GAB1: variants seen among roughly 807,000 people sequenced by gnomAD.
The protein encoded by GAB1 is GRB2-associated-binding protein 1.
GAB1 carries 19 observed loss-of-function variants against 66.5 expected under a neutral mutation model. The observed-to-expected ratio is 0.29, with a 90% CI of 0.20 to 0.42. The LOEUF is 0.42. Among genes scored for constraint, GAB1 ranks in the 10% least tolerant of loss-of-function variants. The pLI, the probability that GAB1 is intolerant of heterozygous loss-of-function variation, is 1.00. For missense variants in GAB1, 732 were observed against 858.5 expected (o/e 0.85, Z 1.84); for synonymous variants, 294 against 301.4 (o/e 0.98, Z 0.25).
intron 2 of GAB1, chr4:143,425,227 T>TG (rs1161269198): frequency 1.1e-6 from 1 of 917,976 alleles, no homozygotes; most frequent in East Asian, 2.4e-5. Context: ...AAGCTTCTGC[T>TG]GGCAGCTCAT....
intron 1 of GAB1, among the ~76,000 whole-genome samples, chr4:143,379,904 G>A (rs1035361527): frequency 4.6e-5 from 7 of 151,346 alleles, no homozygotes; most frequent in Non-Finnish European, 1.0e-4. Flanking sequence ...TATTAAGTAA[G>A]GTAATTTGTA....
intron 6 of GAB1, among the ~76,000 whole-genome samples, chr4:143,455,698 T>A (rs1016585182): frequency 6.6e-6 from 1 of 152,160 alleles, no homozygotes; most frequent in Non-Finnish European, 1.5e-5. Context: ...AAATTCAGAG[T>A]AGTATCAACT....
intron 1 of GAB1, among the ~76,000 whole-genome samples, chr4:143,398,356 C>T (rs923076242): frequency 2.0e-5 from 3 of 152,158 alleles, no homozygotes; most frequent in Non-Finnish European, 2.9e-5. Context: ...GATTTTTACA[C>T]AGTTTTTAGA....
intron 7 of GAB1, 143 bp from the exon 8 acceptor site, chr4:143,460,221 C>A: frequency 3.0e-6 from 2 of 657,542 alleles, no homozygotes; most frequent in South Asian, 2.4e-5. Context: ...AAAATTACAT[C>A]ATTATAAATG....
intron 1 of GAB1, among the ~76,000 whole-genome samples, chr4:143,408,160 A>G (rs563836720): frequency 2.6e-5 from 4 of 152,310 alleles, no homozygotes; most frequent in East Asian, 3.9e-4. Flanking sequence ...CCGGAATTCT[A>G]TATTTAAAAG....
chr4:143,399,882 T>C (rs1312616435), intron 1 of GAB1, among the ~76,000 whole-genome samples: 1 of 151,928 alleles, frequency 6.6e-6, no homozygotes, highest in Non-Finnish European at 1.5e-5. Flanking sequence ...ATGATCCCTA[T>C]AGGGTTTATC....
intron 1 of GAB1, chr4:143,391,484 T>C (rs563831916): frequency 4.3e-4 from 65 of 152,306 alleles, no homozygotes; most frequent in African/African-American, 1.4e-3. Flanking sequence ...TACAGTTAGA[T>C]AAATTTAACC....
At chr4:143,399,462 G>A (rs1385335625) in intron 1 of GAB1, among the ~76,000 whole-genome samples, 1 of 152,194 alleles carries the variant, frequency 6.6e-6, no homozygotes, top group Non-Finnish European at 1.5e-5. Context: ...TTTGTGCTTT[G>A]TGTTTTATAT....
In GAB1 at chr4:143,415,544, A is replaced by G; in HGVS notation, c.140A>G (p.Tyr47Cys). 1 of 1,613,672 alleles carries G rather than the reference A, an allele frequency of 6.2e-7. No individual in the cohort carries two copies. Among genetic ancestry groups the G allele is most frequent in the Non-Finnish European group, 8.5e-7 (1 of 1,179,606 alleles). ...RLTGDPDVLE[Y>C]YKNDHAKKPI... ...ACTGGAGATCCAGATGTTTTGGAATATTACAAAAATGATCATGCCAAGAAG... is the reference window on the plus strand; with the variant it reads ...ACTGGAGATCCAGATGTTTTGGAATGTTACAAAAATGATCATGCCAAGAAG... Residue 47 changes from tyrosine to cysteine, a missense_variant, in exon 2 of 10, where the codon TAT becomes TGT. This residue lies in a region of GAB1 where 66 missense variants were observed against 130.3 expected (regional missense o/e 0.51). Coordinates refer to ENST00000262994, the MANE Select transcript of GAB1 (RefSeq NM_002039.4).
At chr4:143,340,908 G>C (rs1728802793) in intron 1 of GAB1, among the ~76,000 whole-genome samples, 1 of 152,140 alleles carries the variant, frequency 6.6e-6, no homozygotes, top group Non-Finnish European at 1.5e-5. Context: ...ACTCAAGCAG[G>C]ATTGTTTTTT....
At position 143,364,868 on chromosome 4, in the gene GAB1, C is replaced by CTTTT. The variant is rs745401852; in HGVS notation, c.72+27631_72+27634dup. On this transcript the variant is annotated intron_variant, in intron 1 of 9. Coordinates refer to ENST00000262994, the MANE Select transcript of GAB1 (RefSeq NM_002039.4). ...AAAATTAAAGCTCTCCCTGCATCTA[C>CTTTT]TTTTTTTTTTTTTTTTTTTTTTTTT... is the stretch of plus-strand genomic sequence containing the variant. Among the ~76,000 whole-genome samples the CTTTT allele has an allele frequency of 7.4e-3, 639 of 86,812 alleles. 87 individuals carry two copies. Among genetic ancestry groups the CTTTT allele is most frequent in the African/African-American group, 0.034 (616 of 18,286 alleles). The allele number at this position is 86,812 out of a possible 152,430, so 57.0% of individuals were successfully genotyped here.
At chr4:143,448,908 C>G (rs1734729530) in intron 6 of GAB1, among the ~76,000 whole-genome samples, 1 of 151,722 alleles carries the variant, frequency 6.6e-6, no homozygotes, top group Admixed American at 6.6e-5. Context: ...ATCTTTCCTG[C>G]TTTCTCTTGT....
chr4:143,342,543 CTTTTTT>C (rs5862632), intron 1 of GAB1, among the ~76,000 whole-genome samples: 12 of 62,478 alleles, frequency 1.9e-4, no homozygotes, highest in African/African-American at 6.9e-4. Context: ...GTGATAGATT[CTTTTTT>C]TTTTTTTTTT....
intron 1 of GAB1, among the ~76,000 whole-genome samples, chr4:143,350,666 G>A (rs1157890217): frequency 1.8e-5 from 2 of 112,182 alleles, no homozygotes; most frequent in Non-Finnish European, 1.7e-5. Flanking sequence ...CAACAAGCGT[G>A]AAACTCCGTC....
At chr4:143,466,368 A>G (rs1158444414) in intron 9 of GAB1, 143 bp downstream of exon 9, 1 of 648,876 alleles carries the variant, frequency 1.5e-6, no homozygotes, top group African/African-American at 1.9e-5. Flanking sequence ...TATCTCATAA[A>G]ACAAAAATAA....
rs71588252 is a variant in GAB1, at chr4:143,387,130, GTTGT to G, written c.73-28331_73-28328del. ...TGCAGGTGATTGGTTTTTTGTTGTT[GTTGT>G]TTGTTTGTTTGTTTGAGACAGAGTT... On this transcript the variant is annotated intron_variant, in intron 1 of 9. Coordinates refer to ENST00000262994, the MANE Select transcript of GAB1 (RefSeq NM_002039.4). Among the ~76,000 whole-genome samples the G allele has an allele frequency of 4.2e-4, 64 of 152,096 alleles. No homozygotes were observed. The South Asian group carries it at 4.8e-3, about 11-fold the overall frequency.
intron 1 of GAB1, among the ~76,000 whole-genome samples, chr4:143,387,538 A>G (rs1419770312): frequency 9.9e-5 from 15 of 152,190 alleles, no homozygotes. Flanking sequence ...TACTGACGTG[A>G]GCTTCCATCT....
intron 2 of GAB1, among the ~76,000 whole-genome samples, chr4:143,419,614 A>G (rs1732904565): frequency 6.6e-6 from 1 of 152,224 alleles, no homozygotes; most frequent in Non-Finnish European, 1.5e-5. Flanking sequence ...AGTCATTTTT[A>G]TGTGTTCATT....
intron 1 of GAB1, among the ~76,000 whole-genome samples, chr4:143,372,144 G>A (rs1271103533): frequency 1.3e-5 from 2 of 151,796 alleles, no homozygotes; most frequent in African/African-American, 4.9e-5. Context: ...GGCCAACATG[G>A]TGAAACCCCA....
Sources: allele counts gnomAD v4.1 joint callset (sites outside exome capture counted in the v4.1 genomes callset), GRCh38; gene constraint gnomAD v4.1.1; regional missense constraint gnomAD v4.1.1; transcripts MANE v1.5; gene names NCBI Gene and HGNC (gene_info 2026-07-23, HGNC 2026-07-21).